Variants in LINGO2 observed in about 807,000 individuals in gnomAD.
LINGO2 encodes leucine-rich repeat and immunoglobulin-like domain-containing nogo receptor-interacting protein 2.
A neutral mutation model predicts 30.6 loss-of-function variants in LINGO2; 14 were observed. The observed-to-expected ratio is 0.46, with a 90% confidence interval of 0.30 to 0.72. The LOEUF is 0.72. Ranked by LOEUF, LINGO2 falls within the 30% of genes least tolerant of loss-of-function variation. The pLI is 0.07. For synonymous variants in LINGO2, 317 were observed against 288.5 expected (o/e 1.10, Z -1.00); for missense variants, 729 against 751.7 (o/e 0.97, Z 0.35).
chr9:28,652,957 T>C (rs1444660201), intron 1 of LINGO2, among the ~76,000 whole-genome samples: 4 of 152,078 alleles, frequency 2.6e-5, no homozygotes, highest in Admixed American at 2.0e-4. Context: ...GTTAGTTAAA[T>C]TGATAGTAAG....
chr9:28,946,181 G>C, the LINGO2 span, among the ~76,000 whole-genome samples: 1 of 152,094 alleles, frequency 6.6e-6, no homozygotes, highest in African/African-American at 2.4e-5. Context: ...ATTTTAATGA[G>C]AATTCTGAGG....
chr9:28,826,098 G>T, the LINGO2 span, among the ~76,000 whole-genome samples: 1 of 152,096 alleles, frequency 6.6e-6, no homozygotes, highest in African/African-American at 2.4e-5. Context: ...AGTATTAATG[G>T]TAAAATGGGT....
intron 4 of LINGO2, among the ~76,000 whole-genome samples, chr9:28,273,328 C>G (rs1341899400): frequency 6.6e-6 from 1 of 152,166 alleles, no homozygotes; most frequent in African/African-American, 2.4e-5. Context: ...CCACCAAATC[C>G]TGCCAATGGC....
At chr9:29,019,703 T>C in the LINGO2 span, among the ~76,000 whole-genome samples, 1 of 152,200 alleles carries the variant, frequency 6.6e-6, no homozygotes, top group African/African-American at 2.4e-5. Flanking sequence ...TTGGGAAATG[T>C]TGGTGGCACT....
At chr9:28,696,208 A>C in the LINGO2 span, among the ~76,000 whole-genome samples, 13 of 151,960 alleles carry the variant, frequency 8.6e-5, no homozygotes, top group Non-Finnish European at 1.3e-4. Flanking sequence ...TTGACAACAA[A>C]CAACTTGTAA....
At chr9:28,624,684 T>G (rs1279887509) in intron 1 of LINGO2, among the ~76,000 whole-genome samples, 3 of 151,780 alleles carry the variant, frequency 2.0e-5, no homozygotes, top group Non-Finnish European at 4.4e-5. Context: ...GTATTGGCCT[T>G]GTAGAATGAG....
In LINGO2 at chr9:28,383,257, TGTGTG is replaced by T. The variant is rs1564164760; in HGVS notation, c.-278-10394_-278-10390del. Among the ~76,000 whole-genome samples, 929 of 148,992 alleles carry T rather than the reference TGTGTG, an allele frequency of 6.2e-3. 10 individuals carry two copies. Among genetic ancestry groups the T allele is most frequent in the African/African-American group, 0.018 (723 of 40,006 alleles). ...AAACACTATAGATCACCATTCATTG[TGTGTG>T]TGTGTGTGTGTGTGTGTGTGTGTGT... On this transcript the variant is annotated intron_variant, in intron 2 of 5. Transcript: ENST00000379992.
At chr9:28,936,725 T>C in the LINGO2 span, among the ~76,000 whole-genome samples, 1 of 152,244 alleles carries the variant, frequency 6.6e-6, no homozygotes, top group Non-Finnish European at 1.5e-5. Context: ...TTATCTGATA[T>C]ATGGCAAATA....
chr9:28,884,084 A>G, the LINGO2 span, among the ~76,000 whole-genome samples: 4 of 145,580 alleles, frequency 2.7e-5, no homozygotes, highest in African/African-American at 1.0e-4. Flanking sequence ...CTCAGTTTTA[A>G]TCCCTGGAGA....
chr9:29,158,225 T>C, the LINGO2 span, among the ~76,000 whole-genome samples: 1 of 151,410 alleles, frequency 6.6e-6, no homozygotes, highest in Non-Finnish European at 1.5e-5. Context: ...GAATGGTGAT[T>C]CATGCCTGTA....
the LINGO2 span, among the ~76,000 whole-genome samples, chr9:29,187,397 G>C: frequency 1.3e-5 from 2 of 152,062 alleles, no homozygotes; most frequent in African/African-American, 4.8e-5. Context: ...TCAAAATCTA[G>C]AATGTTATAT....
chr9:28,526,403 G>T (rs1384954462), intron 1 of LINGO2, among the ~76,000 whole-genome samples: 1 of 152,174 alleles, frequency 6.6e-6, no homozygotes, highest in Non-Finnish European at 1.5e-5. Flanking sequence ...TACTCAGAGA[G>T]ACTAGCTTCC....
intron 1 of LINGO2, among the ~76,000 whole-genome samples, chr9:28,591,182 T>G (rs898588375): frequency 6.6e-6 from 1 of 151,844 alleles, no homozygotes; most frequent in South Asian, 2.1e-4. Flanking sequence ...GCGGGAGGGA[T>G]AGCATTAGGA....
At chr9:28,269,036 A>C (rs533212042) in intron 4 of LINGO2, among the ~76,000 whole-genome samples, 1 of 152,106 alleles carries the variant, frequency 6.6e-6, no homozygotes, top group African/African-American at 2.4e-5. Flanking sequence ...CACATGCATA[A>C]CCTCTTTTTC....
At chr9:28,141,916 A>C (rs1673276084) in intron 4 of LINGO2, among the ~76,000 whole-genome samples, 1 of 152,306 alleles carries the variant, frequency 6.6e-6, no homozygotes, top group Middle Eastern at 3.4e-3. Flanking sequence ...CATCTCAAAA[A>C]ACACAAAATT....
chr9:29,136,901 CAA>C, the LINGO2 span, among the ~76,000 whole-genome samples: 5 of 152,234 alleles, frequency 3.3e-5, no homozygotes, highest in African/African-American at 1.2e-4. Context: ...TGTAGGAACT[CAA>C]AGTTTATTCT....
In LINGO2 at chr9:28,037,620, G is replaced by C. The variant is rs539740495; in HGVS notation, c.-86-25215C>G. ...TAGTTATTTTATCCGCAGCGCTTGA[G>C]CTCTTTGGAAGAAACAGTGTCTTGT... On this transcript the variant is annotated intron_variant, in intron 4 of 5. Transcript: ENST00000379992. Among the ~76,000 whole-genome samples the C allele has an allele frequency of 9.8e-5, 15 of 152,318 alleles. 1 individual carries two copies. The East Asian group carries it at 2.7e-3, about 27-fold the overall frequency.
At chr9:28,980,274 A>T in the LINGO2 span, among the ~76,000 whole-genome samples, 1 of 152,114 alleles carries the variant, frequency 6.6e-6, no homozygotes, top group Non-Finnish European at 1.5e-5. Flanking sequence ...GTATTGCAGG[A>T]GGCTTCTAAC....
At chr9:28,201,693 C>T (rs1375378081) in intron 4 of LINGO2, among the ~76,000 whole-genome samples, 1 of 151,928 alleles carries the variant, frequency 6.6e-6, no homozygotes, top group Non-Finnish European at 1.5e-5. Context: ...ACAGTCCCAC[C>T]AACAGTGTAA....
Sources: allele counts gnomAD v4.1 joint callset (sites outside exome capture counted in the v4.1 genomes callset), GRCh38; gene constraint gnomAD v4.1.1; transcripts MANE v1.5; gene names NCBI Gene and HGNC (gene_info 2026-07-23, HGNC 2026-07-21).